The following CCDC30 variants were observed in gnomAD, a reference collection of about 807,000 sequenced individuals.
CCDC30 encodes the protein coiled-coil domain-containing protein 30.
In CCDC30, 70 loss-of-function variants were observed where a neutral mutation model predicts 100.2. The ratio of observed to expected loss-of-function variants is 0.70; its 90% CI spans 0.58 to 0.85. CCDC30 has a LOEUF of 0.85. Among genes scored for constraint, CCDC30 ranks in the 40% least tolerant of loss-of-function variants. The pLI is 0.00. For synonymous variants in CCDC30, 233 were observed against 269.5 expected (o/e 0.86, Z 1.33); for missense variants, 652 against 771.2 (o/e 0.85, Z 1.83).
intron 11 of CCDC30, among the ~76,000 whole-genome samples, chr1:42,635,567 T>C (rs2148675289): frequency 6.6e-6 from 1 of 151,896 alleles, no homozygotes; most frequent in East Asian, 2.0e-4. Context: ...CCCAGCACTT[T>C]GGGAGGCCAA....
intron 15 of CCDC30, among the ~76,000 whole-genome samples, chr1:42,646,822 G>T (rs999560477): frequency 6.6e-6 from 1 of 152,204 alleles, no homozygotes; most frequent in Non-Finnish European, 1.5e-5. Flanking sequence ...TAAAGATTTG[G>T]CTGGGTGCGG....
chr1:42,567,183 AG>A (rs11304807), intron 7 of CCDC30, among the ~76,000 whole-genome samples: 37,031 of 152,050 alleles, frequency 0.24, 4,939 homozygotes, highest in South Asian at 0.42. Context: ...CCCATGGTGC[AG>A]GGGTCAGCAA....
At chr1:42,590,634 G>A (rs1646167908) in intron 10 of CCDC30, 1 of 152,374 alleles carries the variant, frequency 6.6e-6, no homozygotes, top group South Asian at 2.1e-4. Flanking sequence ...CTACTCAGGA[G>A]GCTGAGGTGG....
At chr1:42,573,743 TAGAA>T (rs1395623667) in intron 7 of CCDC30, among the ~76,000 whole-genome samples, 7 of 152,168 alleles carry the variant, frequency 4.6e-5, no homozygotes, top group East Asian at 3.9e-4. Flanking sequence ...AAATGTACTT[TAGAA>T]AGAAAGAAAA....
chr1:42,574,368 A>T (rs1001609214), intron 7 of CCDC30, among the ~76,000 whole-genome samples: 3 of 151,590 alleles, frequency 2.0e-5, no homozygotes, highest in South Asian at 2.1e-4. Flanking sequence ...TTTCATTTAA[A>T]TTTTTTAAAG....
chr1:42,457,023 C>T, the CCDC30 span: 2 of 1,601,658 alleles, frequency 1.2e-6, no homozygotes, highest in Non-Finnish European at 8.5e-7. Context: ...ACCACTTTGG[C>T]GGACTATTTG....
At chr1:42,621,764 G>C (rs543288403) in intron 11 of CCDC30, among the ~76,000 whole-genome samples, 1 of 152,030 alleles carries the variant, frequency 6.6e-6, no homozygotes, top group Non-Finnish European at 1.5e-5. Flanking sequence ...GCCCGCCTCG[G>C]CCTCCCAAAG....
intron 7 of CCDC30, among the ~76,000 whole-genome samples, chr1:42,571,828 T>C (rs1185330331): frequency 6.6e-6 from 1 of 152,242 alleles, no homozygotes; most frequent in Non-Finnish European, 1.5e-5. Flanking sequence ...TGAGGTTTCA[T>C]AAGCTAAGCA....
intron 6 of CCDC30, among the ~76,000 whole-genome samples, chr1:42,542,087 T>C (rs1240105275): frequency 6.6e-6 from 1 of 152,220 alleles, no homozygotes; most frequent in Non-Finnish European, 1.5e-5. Context: ...TAAACATGGC[T>C]GATTATTAAA....
chr1:42,459,494 T>C, upstream of CCDC30: 1 of 958,252 alleles, frequency 1.0e-6, no homozygotes, highest in Non-Finnish European at 1.6e-6. Flanking sequence ...ACTGAAAAGT[T>C]TGATGGTTGA....
chr1:42,508,721 C>T (rs569771340), intron 6 of CCDC30, among the ~76,000 whole-genome samples: 1 of 152,076 alleles, frequency 6.6e-6, no homozygotes, highest in East Asian at 1.9e-4. Context: ...CTCTGTTTTT[C>T]CCAAGAAGTC....
At chr1:42,514,832 T>C (rs914433808) in intron 6 of CCDC30, among the ~76,000 whole-genome samples, 2 of 152,072 alleles carry the variant, frequency 1.3e-5, no homozygotes, top group Non-Finnish European at 2.9e-5. Flanking sequence ...TTTTGTATTT[T>C]TGTATAGATG....
chr1:42,528,746 A>G (rs1034081372), intron 6 of CCDC30, among the ~76,000 whole-genome samples: 2 of 152,216 alleles, frequency 1.3e-5, no homozygotes, highest in South Asian at 2.1e-4. Context: ...GAAGGGAGGT[A>G]TCAGTGGTGT....
intron 6 of CCDC30, 62 bp from the exon 7 acceptor site, chr1:42,536,414 C>A: frequency 9.6e-7 from 1 of 1,046,186 alleles, no homozygotes; most frequent in South Asian, 1.8e-5. Flanking sequence ...TTGTTATTAT[C>A]AGAATTTGTA....
chr1:42,458,649 G>T (rs1643310485), upstream of CCDC30, among the ~76,000 whole-genome samples: 1 of 152,214 alleles, frequency 6.6e-6, no homozygotes, highest in South Asian at 2.1e-4. Flanking sequence ...CACACTAACA[G>T]CTTTTTTTTA....
chr1:42,606,209 A>G (rs1464670267), intron 10 of CCDC30, among the ~76,000 whole-genome samples: 1 of 152,224 alleles, frequency 6.6e-6, no homozygotes, highest in Non-Finnish European at 1.5e-5. Context: ...ACTGCATAAA[A>G]TTAACTATAG....
chr1:42,620,711 A>G (rs1231548049), intron 11 of CCDC30, among the ~76,000 whole-genome samples: 2 of 152,224 alleles, frequency 1.3e-5, no homozygotes, highest in Non-Finnish European at 2.9e-5. Context: ...GTGAAAGGAT[A>G]CAGATTAAAA....
intron 3 of CCDC30, among the ~76,000 whole-genome samples, chr1:42,488,232 G>C (rs1644082584): frequency 6.6e-6 from 1 of 152,136 alleles, no homozygotes; most frequent in African/African-American, 2.4e-5. Flanking sequence ...TAATCTGGTA[G>C]AGAGATCTCA....
chr1:42,532,992 C>T (rs1023950201), intron 6 of CCDC30, among the ~76,000 whole-genome samples: 12 of 152,132 alleles, frequency 7.9e-5, no homozygotes, highest in African/African-American at 2.9e-4. Context: ...CTCCTGACCT[C>T]GTGATCCACC....
Sources: allele counts gnomAD v4.1 joint callset (sites outside exome capture counted in the v4.1 genomes callset), GRCh38; gene constraint gnomAD v4.1.1; transcripts MANE v1.5; gene names NCBI Gene and HGNC (gene_info 2026-07-23, HGNC 2026-07-21).